The following COL20A1 variants were observed in gnomAD, a reference collection of about 807,000 sequenced individuals.
COL20A1 encodes collagen type XX alpha 1 chain.
Under a neutral mutation model 152.9 loss-of-function variants are expected in COL20A1, and 164 were observed. The observed-to-expected ratio is 1.07, with a 90% CI of 0.94 to 1.22. The LOEUF is 1.22. COL20A1 is among the 50% of genes most tolerant of loss of function. The probability of loss-of-function intolerance (pLI) is 0.00; values close to 1 mark genes in which losing one functional copy is unlikely to be tolerated. For synonymous variants in COL20A1, 864 were observed against 756.0 expected (o/e 1.14, Z -2.34); for missense variants, 1,873 against 1,744.8 (o/e 1.07, Z -1.31).
Position 63,311,321 on chromosome 20 carries a change from G to A in COL20A1, c.1394-73G>A, listed in dbSNP as rs1052715030. On this transcript the variant is annotated intron_variant, in intron 11 of 35. Transcript: ENST00000358894. The surrounding 1 kb of genome is among the most constrained non-coding windows in gnomAD (Gnocchi z 4.4). ...GGTGGCCGTGCCCACCCACTCTGGT[G>A]TGAGGGTGCCCCGTGCGTGGGTGTG... 1 of 1,448,438 alleles carries A rather than the reference G, an allele frequency of 6.9e-7. No homozygotes were observed. 89.7% of individuals were successfully genotyped at this position (1,448,438 alleles called of 1,614,324 possible).
chr20:63,328,448 C>T lies in COL20A1; in HGVS notation c.3731C>T (p.Ala1244Val). Residue 1244 changes from alanine (A) to valine (V), a missense_variant, in exon 34 of 36, where the codon GCC becomes GTC. Transcript: ENST00000358894. ...PLGSPGTRSK[A>V]LVPGEWGRGG... ...GGGTCCCCTGGCACCCGCAGCAAGG[C>T]CCTGGTTCCTGGAGAATGGGGGCGT... The T allele has an allele frequency of 6.2e-7, 1 of 1,612,602 alleles. No homozygotes were observed. The highest frequency in any genetic ancestry group is 8.5e-7 in the Non-Finnish European group (1 of 1,179,734).
At chr20:63,328,700 C>T (rs977042759) in intron 34 of COL20A1, among the ~76,000 whole-genome samples, 52 of 152,342 alleles carry the variant, frequency 3.4e-4, no homozygotes, top group Non-Finnish European at 4.1e-4. Context: ...AGAGGTCAGC[C>T]TCGGCCTGGC....
intron 18 of COL20A1, 58 bp from the exon 19 acceptor site, chr20:63,314,014 C>T (rs570752502): frequency 2.3e-5 from 37 of 1,609,478 alleles, no homozygotes; most frequent in African/African-American, 9.3e-5. Flanking sequence ...GCAGCTGAGC[C>T]GCGTGGACGA....
chr20:63,305,920 A>G lies in COL20A1; in HGVS notation c.377A>G (p.Gln126Arg). Residue 126 changes from glutamine (Q) to arginine (R), a missense_variant, in exon 5 of 36, where the codon CAG (glutamine) becomes CGG (arginine). Coordinates refer to ENST00000358894, the MANE Select transcript of COL20A1 (RefSeq NM_020882.4). The surrounding 1 kb of genome is among the most constrained non-coding windows in gnomAD (Gnocchi z 4.9). ...AGTAGCTCCCTGGACAGGAGCAGCC[A>G]GAGGCCCCTCGGCTCTGGAGCCCCG... ...LKSSSLDRSS[Q>R]RPLGSGAPEP... is the part of the protein sequence containing the mutation. 6.2e-7 allele frequency: 1 copy of G among 1,612,944 alleles called. No homozygotes were observed. Among genetic ancestry groups the G allele is most frequent in the Non-Finnish European group, 8.5e-7 (1 of 1,179,806 alleles).
intron 31 of COL20A1, among the ~76,000 whole-genome samples, 200 bp downstream of exon 31, chr20:63,327,023 C>T (rs2068260181): frequency 2.6e-5 from 4 of 151,990 alleles, no homozygotes; most frequent in African/African-American, 9.7e-5. Context: ...GTTGACCCCC[C>T]TAGGGACTTC....
intron 30 of COL20A1, 59 bp downstream of exon 30, chr20:63,326,208 C>T: frequency 2.9e-6 from 4 of 1,378,970 alleles, no homozygotes; most frequent in Non-Finnish European, 4.1e-6. Context: ...TTCCAGGGGT[C>T]AGGCAGAGGC....
chr20:63,326,032 T>C (rs1024812516), intron 29 of COL20A1, 64 bp from the exon 30 acceptor site: 2 of 1,439,274 alleles, frequency 1.4e-6, no homozygotes, highest in Admixed American at 1.7e-5. Flanking sequence ...TGGGGGGCTG[T>C]CACCATGGGA....
In COL20A1 at chr20:63,316,539, A is replaced by G; in HGVS notation, c.2525-14A>G. 6.4e-7 allele frequency: 1 copy of G among 1,563,624 alleles called. No individual in the cohort carries two copies. The highest frequency in any genetic ancestry group is 2.4e-5 in the East Asian group (1 of 41,788). ...AGGGTCCCTCGGTGCCCCTTCCCCC[A>G]CCATCTTCCCCAGGGTTTGACCTGA... On this transcript the variant is annotated splice_polypyrimidine_tract_variant and intron_variant, in intron 20 of 35. Transcript: ENST00000358894.
At chr20:63,327,443 T>A in intron 31 of COL20A1, 1 of 175,966 alleles carries the variant, frequency 5.7e-6, no homozygotes, top group Non-Finnish European at 1.2e-5. Flanking sequence ...GCAGGCTCCA[T>A]GGAGGGTAGG....
Position 63,330,775 on chromosome 20 carries a change from G to C in COL20A1, c.*59G>C, listed in dbSNP as rs768186500. 7 of 152,172 alleles carry C rather than the reference G, an allele frequency of 4.6e-5. No individual in the cohort carries two copies. Among genetic ancestry groups the C allele is most frequent in the Non-Finnish European group, 7.3e-5 (5 of 68,044 alleles). 9.4% of individuals were successfully genotyped at this position (152,172 alleles called of 1,614,324 possible). The stretch of plus-strand genomic sequence containing the variant: ...GAGCCTTCCTCCCTGGGTTTGTCTG[G>C]ACACCGAGAGCGACCACATCCTGGA... On this transcript the variant is annotated 3_prime_UTR_variant, in exon 36 of 36. Transcript: ENST00000358894.
At chr20:63,320,001 C>A (rs372817734) in intron 23 of COL20A1, 38 bp from the exon 24 acceptor site, 5 of 1,546,058 alleles carry the variant, frequency 3.2e-6, no homozygotes, top group Non-Finnish European at 4.4e-6. Flanking sequence ...GCACCGGCCC[C>A]GCCTGGGCTG....
In COL20A1 at chr20:63,313,746, C is replaced by A. The variant is rs77576225; in HGVS notation, c.2213C>A (p.Thr738Lys). 5.0e-5 allele frequency: 79 copies of A among 1,587,270 alleles called. 1 individual carries two copies. The East Asian group carries it at 1.7e-3, about 35-fold the overall frequency. The change falls in exon 18 of 36, where the codon ACG becomes AAG. Residue 738 changes from threonine to lysine, a missense_variant. Transcript: ENST00000358894. This position sits in a 1 kb window ranked among gnomAD's most constrained non-coding sequence, Gnocchi z 5.9. ...CACAACCCATGCTCTCGGCCAGCCACGGTGAGCAGGAGCCCACCCTCCAAC... is the reference window on the plus strand; with the variant it reads ...CACAACCCATGCTCTCGGCCAGCCAAGGTGAGCAGGAGCCCACCCTCCAAC... ...DPVSLRYTPS[T>K]VSRSPPSNLA...
chr20:63,308,613 G>C lies in COL20A1; in HGVS notation c.847G>C (p.Val283Leu), dbSNP rs543977801. Residue 283 changes from valine (V) to leucine (L), a missense_variant, in exon 8 of 36, where the codon GTG (valine) becomes CTG (leucine). Val to Leu is a conservative substitution (Grantham distance 32). Transcript: ENST00000358894. The stretch of plus-strand genomic sequence containing the variant: ...TGGCCTCCGTCCAGAGGCAGCCAAG[G>C]TGGTGATTCTGGTGACGGACGGCAA... ...AAGLRPEAAKVVILVTDGKSQ... is the reference protein window; with the variant it reads ...AAGLRPEAAKLVILVTDGKSQ... The C allele has an allele frequency of 3.7e-6, 6 of 1,606,574 alleles. No individual in the cohort carries two copies. In the Admixed American group the frequency reaches 6.7e-5, roughly 18 times the overall value.
rs2068278028 is a variant in COL20A1, at chr20:63,328,067, C to G, written c.3565-12C>G. The G allele has an allele frequency of 1.2e-6, 2 of 1,613,322 alleles. No individual in the cohort carries two copies. Among genetic ancestry groups the G allele is most frequent in the Non-Finnish European group, 1.7e-6 (2 of 1,179,796 alleles). ...CACACGGGTCCCAAAGCTGCACCAC[C>G]TTCCCTTCCAGGGCGAGCCGCAGTC... On this transcript the variant is annotated splice_polypyrimidine_tract_variant and intron_variant, in intron 32 of 35. Transcript: ENST00000358894.
chr20:63,311,730 G>A lies in COL20A1; in HGVS notation c.1645G>A (p.Gly549Ser). ...LRGPEGSEAR[G>S]IRARTPTLAP... ...AGGCCCTGAGGGCAGCGAGGCCCGGGGCATCCGTGCCAGGACCCGTGAGTG... is the reference window on the plus strand; with the variant it reads ...AGGCCCTGAGGGCAGCGAGGCCCGGAGCATCCGTGCCAGGACCCGTGAGTG... The change falls in exon 13 of 36, where the codon GGC (glycine) becomes AGC (serine). Residue 549 changes from glycine (G) to serine (S), a missense_variant. By Grantham distance (56) the Gly-to-Ser change is moderately conservative. Transcript: ENST00000358894. The surrounding 1 kb of genome is among the most constrained non-coding windows in gnomAD (Gnocchi z 4.4). 6.3e-7 allele frequency: 1 copy of A among 1,595,656 alleles called. No individual in the cohort carries two copies. Among genetic ancestry groups the A allele is most frequent in the Non-Finnish European group, 8.5e-7 (1 of 1,175,382 alleles).
intron 2 of COL20A1, among the ~76,000 whole-genome samples, chr20:63,297,447 CGGGGACTCAGCCCAGGGGCCCCAGCTCA>C (rs1214192698): frequency 4.3e-5 from 6 of 139,694 alleles, no homozygotes; most frequent in Non-Finnish European, 9.5e-5. Flanking sequence ...GGACCCAGCC[CGGGGACTCAGCCCAGGGGCCCCAGCTCA>C]GGGGACTCAG....
chr20:63,327,854 C>A, intron 31 of COL20A1, 98 bp from the exon 32 acceptor site: 1 of 1,253,894 alleles, frequency 8.0e-7, no homozygotes, highest in Non-Finnish European at 1.1e-6. Context: ...GGCTATCAGG[C>A]TGCCTGAGTG....
chr20:63,321,963 C>G (rs2068170583), intron 26 of COL20A1, 95 bp from the exon 27 acceptor site: 3 of 987,430 alleles, frequency 3.0e-6, no homozygotes, highest in African/African-American at 3.4e-5. Flanking sequence ...GCATGGGGCT[C>G]AGGGTGGGCC....
rs763016348 is a variant in COL20A1 at position 63,316,513 on chromosome 20, G to C, written c.2525-40G>C. On this transcript the variant is annotated intron_variant, in intron 20 of 35. Transcript: ENST00000358894. Reference sequence around the variant, plus strand: ...CCTTCCTCCCTCCCCTGCCATCTCTGAGGGTCCCTCGGTGCCCCTTCCCCC... The same window carrying C: ...CCTTCCTCCCTCCCCTGCCATCTCTCAGGGTCCCTCGGTGCCCCTTCCCCC... The C allele has an allele frequency of 3.9e-6, 6 of 1,552,704 alleles. No homozygotes were observed. The African/African-American group carries it at 8.2e-5, about 21-fold the overall frequency.
Sources: gnomAD v4.1 joint callset for allele counts (sites outside exome capture counted in the v4.1 genomes callset) on GRCh38, gnomAD v4.1.1 for gene constraint, Gnocchi (gnomAD v3.1) non-coding constraint, MANE v1.5 for transcripts, NCBI Gene and HGNC (gene_info 2026-07-23, HGNC 2026-07-21) for gene names.